The following MSRA variants were observed in gnomAD, a reference collection of about 807,000 sequenced individuals.
MSRA encodes methionine sulfoxide reductase A, also known as mitochondrial peptide methionine sulfoxide reductase.
Under a neutral mutation model 31.3 loss-of-function variants are expected in MSRA, and 54 were observed. That is an observed-to-expected ratio of 1.73 (90% confidence interval 1.39 to 2.17). MSRA has a LOEUF of 2.17. Ranked by LOEUF, MSRA falls within the 30% of genes most tolerant of loss-of-function variation. The pLI, the probability that MSRA is intolerant of heterozygous loss-of-function variation, is 0.00. For synonymous variants in MSRA, 169 were observed against 116.5 expected, an observed-to-expected ratio of 1.45 and a Z score of -2.90; for missense variants, 507 against 300.9, an observed-to-expected ratio of 1.69 and a Z score of -5.07.
intron 3 of MSRA, among the ~76,000 whole-genome samples, chr8:10,272,128 C>T (rs1300495102): frequency 2.0e-5 from 3 of 152,192 alleles, no homozygotes; most frequent in Non-Finnish European, 4.4e-5. Flanking sequence ...CTTATTTCCT[C>T]TATCTGGAGT....
intron 1 of MSRA, among the ~76,000 whole-genome samples, chr8:10,123,618 G>C (rs1161642365): frequency 6.6e-6 from 1 of 152,070 alleles, no homozygotes. Context: ...GGCAGTATAG[G>C]TTGTCTTCCA....
chr8:10,150,627 A>G (rs1803584043), intron 1 of MSRA, among the ~76,000 whole-genome samples: 1 of 152,178 alleles, frequency 6.6e-6, no homozygotes, highest in South Asian at 2.1e-4. Context: ...TCACATAGCA[A>G]TTATGGCCTC....
chr8:10,407,141 T>G (rs1012426417), intron 5 of MSRA, among the ~76,000 whole-genome samples: 3 of 152,252 alleles, frequency 2.0e-5, no homozygotes, highest in Admixed American at 2.0e-4. Context: ...CCTTCTAAAG[T>G]GCTGGGAGTG....
chr8:10,370,951 A>C (rs116012913), intron 5 of MSRA, among the ~76,000 whole-genome samples: 1 of 152,314 alleles, frequency 6.6e-6, no homozygotes, highest in Admixed American at 6.5e-5. Context: ...TGGGCAGGTC[A>C]TGAGAAGACG....
intron 5 of MSRA, among the ~76,000 whole-genome samples, chr8:10,373,316 C>T (rs1175596617): frequency 6.6e-6 from 1 of 152,258 alleles, no homozygotes; most frequent in Non-Finnish European, 1.5e-5. Context: ...AAATTGTCCA[C>T]AGTAGCTCAG....
At chr8:10,104,144 G>A (rs935725782) in intron 1 of MSRA, among the ~76,000 whole-genome samples, 1 of 152,126 alleles carries the variant, frequency 6.6e-6, no homozygotes, top group African/African-American at 2.4e-5. Context: ...TCTGCTTTGT[G>A]CTACCCATGC....
chr8:10,220,592 G>T (rs10110731), intron 2 of MSRA, among the ~76,000 whole-genome samples: 104,866 of 151,968 alleles, frequency 0.69, 37,706 homozygotes, highest in Non-Finnish European at 0.81. Flanking sequence ...CCTTTGAATC[G>T]CATTCATGTT....
intron 5 of MSRA, among the ~76,000 whole-genome samples, chr8:10,347,630 C>T (rs190366630): frequency 2.0e-5 from 3 of 152,340 alleles, no homozygotes; most frequent in East Asian, 1.9e-4. Flanking sequence ...CCATCCTCCA[C>T]GCCATCCCAA....
At chr8:10,354,877 T>C (rs901888236) in intron 5 of MSRA, among the ~76,000 whole-genome samples, 1 of 151,922 alleles carries the variant, frequency 6.6e-6, no homozygotes, top group Non-Finnish European at 1.5e-5. Context: ...TTGTTTGACA[T>C]TTGGGTTGCT....
chr8:10,326,364 T>A (rs1023797153), intron 5 of MSRA: 1 of 152,214 alleles, frequency 6.6e-6, no homozygotes, highest in African/African-American at 2.4e-5. Context: ...TGATTTTCCA[T>A]TGAAACTGTG....
chr8:10,291,567 A>G (rs1800238381), intron 3 of MSRA, among the ~76,000 whole-genome samples: 1 of 152,102 alleles, frequency 6.6e-6, no homozygotes, highest in African/African-American at 2.4e-5. Context: ...CAGGAGCTGG[A>G]GATGAAACCG....
intron 5 of MSRA, among the ~76,000 whole-genome samples, chr8:10,324,277 T>G (rs931032473): frequency 3.9e-5 from 6 of 152,198 alleles, no homozygotes; most frequent in African/African-American, 9.7e-5. Flanking sequence ...ATGTGGCTGG[T>G]GGCTACCATT....
At chr8:10,161,706 A>G (rs1804664987) in intron 1 of MSRA, among the ~76,000 whole-genome samples, 1 of 151,816 alleles carries the variant, frequency 6.6e-6, no homozygotes. Context: ...CTGGGGTCAG[A>G]GCTGAAGCCA....
chr8:10,086,889 G>GGAGAGA (rs1206948929), intron 1 of MSRA, among the ~76,000 whole-genome samples: 3 of 149,574 alleles, frequency 2.0e-5, no homozygotes, highest in Non-Finnish European at 3.0e-5. Flanking sequence ...AGAGAGAGAG[G>GGAGAGA]GAGAGGGAGA....
chr8:10,149,597 C>A (rs923381841), intron 1 of MSRA, among the ~76,000 whole-genome samples: 1 of 152,038 alleles, frequency 6.6e-6, no homozygotes, highest in Non-Finnish European at 1.5e-5. Context: ...GGCAGGCTAA[C>A]GTTTTAATAA....
chr8:10,105,260 G>T (rs1405389646), intron 1 of MSRA, among the ~76,000 whole-genome samples: 1 of 151,936 alleles, frequency 6.6e-6, no homozygotes, highest in African/African-American at 2.4e-5. Flanking sequence ...TGAAAAATTG[G>T]AATGTTTTCA....
chr8:10,169,689 T>G (rs768254481), intron 1 of MSRA, among the ~76,000 whole-genome samples: 1 of 152,240 alleles, frequency 6.6e-6, no homozygotes. Context: ...TTGCCCATGT[T>G]CATTCCCAAG....
intron 1 of MSRA, among the ~76,000 whole-genome samples, chr8:10,174,450 G>A (rs1031986214): frequency 2.0e-5 from 3 of 152,116 alleles, no homozygotes; most frequent in African/African-American, 7.2e-5. Flanking sequence ...CAACCCTTCT[G>A]TCTTGGGTCT....
chr8:10,169,917 C>CTTTTTTT (rs71538069), intron 1 of MSRA, among the ~76,000 whole-genome samples: 11 of 131,950 alleles, frequency 8.3e-5, no homozygotes, highest in African/African-American at 2.8e-4. Context: ...TTCTTTCTTT[C>CTTTTTTT]TTTTTTTTTT....
Sources: gnomAD v4.1 joint callset for allele counts (sites outside exome capture counted in the v4.1 genomes callset) on GRCh38, gnomAD v4.1.1 for gene constraint, MANE v1.5 for transcripts, NCBI Gene and HGNC (gene_info 2026-07-23, HGNC 2026-07-21) for gene names.